CASD1: variants seen among roughly 807,000 people sequenced by gnomAD.
CASD1 encodes the protein CAS1 domain sialic acid O acetyltransferase 1.
In CASD1, 41 loss-of-function variants were observed where a neutral mutation model predicts 100.0. The ratio of observed to expected loss-of-function variants is 0.41; its 90% CI spans 0.32 to 0.53. CASD1 has a LOEUF of 0.53. Among genes scored for constraint, CASD1 ranks in the 20% least tolerant of loss-of-function variants. The pLI, the probability that CASD1 is intolerant of heterozygous loss-of-function variation, is 0.25. For missense variants in CASD1, 774 were observed against 948.7 expected, an observed-to-expected ratio of 0.82 and a Z score of 2.42; for synonymous variants, 321 against 315.6, an observed-to-expected ratio of 1.02 and a Z score of -0.18.
At chr7:94,525,523 T>G (rs1317049713) in intron 3 of CASD1, among the ~76,000 whole-genome samples, 1 of 152,114 alleles carries the variant, frequency 6.6e-6, no homozygotes, top group African/African-American at 2.4e-5. Flanking sequence ...TTTGTATATA[T>G]CAAACATTAT....
chr7:94,604,322 A>C, the CASD1 span, among the ~76,000 whole-genome samples: 1 of 152,196 alleles, frequency 6.6e-6, no homozygotes, highest in East Asian at 1.9e-4. Context: ...AAAATGAAGT[A>C]AAACCATCAA....
the CASD1 span, among the ~76,000 whole-genome samples, chr7:94,569,918 A>G: frequency 1.3e-5 from 2 of 150,894 alleles, no homozygotes; most frequent in Non-Finnish European, 2.9e-5. Flanking sequence ...GGTTCATGCT[A>G]TTCTCTTGCC....
chr7:94,519,432 C>T (rs62465675), intron 3 of CASD1, among the ~76,000 whole-genome samples: 4,325 of 152,206 alleles, frequency 0.028, 114 homozygotes, highest in Non-Finnish European at 0.043. Flanking sequence ...AGAGCCTTCA[C>T]AGCTAAGTAG....
At chr7:94,611,328 T>C in the CASD1 span, among the ~76,000 whole-genome samples, 1 of 152,156 alleles carries the variant, frequency 6.6e-6, no homozygotes, top group South Asian at 2.1e-4. Flanking sequence ...AATGAAATAC[T>C]GATTTATTCT....
At chr7:94,559,312 G>A (rs969693645), downstream of CASD1, among the ~76,000 whole-genome samples, 6 of 147,184 alleles carry the variant, frequency 4.1e-5, no homozygotes, top group Non-Finnish European at 4.5e-5. Flanking sequence ...GTGTATGTGT[G>A]TGTGTGTGTG....
intron 1 of CASD1, among the ~76,000 whole-genome samples, chr7:94,511,992 G>C (rs1793736027): frequency 6.6e-6 from 1 of 152,204 alleles, no homozygotes; most frequent in Non-Finnish European, 1.5e-5. Context: ...CACCTGGTGA[G>C]TGTACTTGCC....
chr7:94,594,347 C>T, the CASD1 span: 1 of 152,054 alleles, frequency 6.6e-6, no homozygotes, highest in African/African-American at 2.4e-5. Context: ...AATGGCAACA[C>T]TTATTCACTA....
downstream of CASD1, among the ~76,000 whole-genome samples, chr7:94,561,918 G>A (rs1000583818): frequency 3.3e-5 from 5 of 152,074 alleles, no homozygotes; most frequent in Admixed American, 6.6e-5. Flanking sequence ...AGCAAAGACC[G>A]CCTGGACAGT....
chr7:94,562,112 C>A, the CASD1 span, among the ~76,000 whole-genome samples: 1 of 152,060 alleles, frequency 6.6e-6, no homozygotes, highest in Non-Finnish European at 1.5e-5. Flanking sequence ...AATATTTGCA[C>A]CTCTTGTAAA....
chr7:94,532,291 AAAAT>A (rs1794889396), intron 5 of CASD1, among the ~76,000 whole-genome samples: 1 of 152,156 alleles, frequency 6.6e-6, no homozygotes, highest in South Asian at 2.1e-4. Context: ...AACTAATAAT[AAAAT>A]AGTACAATTA....
the CASD1 span, among the ~76,000 whole-genome samples, chr7:94,595,418 A>G: frequency 6.6e-6 from 1 of 152,178 alleles, no homozygotes; most frequent in Non-Finnish European, 1.5e-5. Flanking sequence ...AATCTGAAGA[A>G]TAAACATGAA....
rs993495231 is a variant in CASD1, at chr7:94,554,680, C to T, written c.2127+105C>T. 2.0e-5 allele frequency: 13 copies of T among 644,430 alleles called. No homozygotes were observed. The African/African-American group carries it at 2.0e-4, about 10-fold the overall frequency. 39.9% of individuals were successfully genotyped at this position (644,430 alleles called of 1,614,324 possible). ...CACACATATATGTGAGTATGAAAAT[C>T]GGACGTACTTTTTTCTAAACTGAAG... On this transcript the variant is annotated intron_variant, in intron 17 of 17. Transcript: ENST00000297273.
intron 14 of CASD1, among the ~76,000 whole-genome samples, 176 bp from the exon 15 acceptor site, chr7:94,551,162 A>C (rs1795927228): frequency 6.6e-6 from 1 of 152,162 alleles, no homozygotes; most frequent in Non-Finnish European, 1.5e-5. Context: ...GGTTTCTAAC[A>C]ATCATCGGCT....
chr7:94,553,390 A>G (rs1796041250), intron 16 of CASD1, among the ~76,000 whole-genome samples: 1 of 152,124 alleles, frequency 6.6e-6, no homozygotes, highest in African/African-American at 2.4e-5. Context: ...TTTTGATGCT[A>G]TTGCCCATGA....
At chr7:94,526,427 C>T (rs1383806600) in intron 3 of CASD1, among the ~76,000 whole-genome samples, 2 of 152,190 alleles carry the variant, frequency 1.3e-5, no homozygotes, top group Admixed American at 6.5e-5. Context: ...CCAGAACTAG[C>T]CATGTGGCTC....
chr7:94,514,833 C>T (rs115553194), intron 1 of CASD1, among the ~76,000 whole-genome samples: 154 of 152,178 alleles, frequency 1.0e-3, no homozygotes, highest in African/African-American at 3.5e-3. Flanking sequence ...ATTTATCTCA[C>T]ATTAGTTGTG....
the CASD1 span, among the ~76,000 whole-genome samples, chr7:94,591,429 C>T: frequency 3.9e-5 from 6 of 152,164 alleles, no homozygotes; most frequent in Non-Finnish European, 5.9e-5. Context: ...CCATCTCTAG[C>T]TCTACCTAGC....
chr7:94,542,367 A>G (rs1255581096), intron 10 of CASD1, among the ~76,000 whole-genome samples: 1 of 152,238 alleles, frequency 6.6e-6, no homozygotes, highest in East Asian at 1.9e-4. Context: ...TGTGAAATGT[A>G]TACCACATTA....
the CASD1 span, chr7:94,619,264 T>C: frequency 4.1e-6 from 1 of 245,556 alleles, no homozygotes; most frequent in East Asian, 1.0e-4. Flanking sequence ...AAATTTATAA[T>C]ATTACTGATC....
Sources: allele counts gnomAD v4.1 joint callset (sites outside exome capture counted in the v4.1 genomes callset), GRCh38; gene constraint gnomAD v4.1.1; transcripts MANE v1.5; gene names NCBI Gene and HGNC (gene_info 2026-07-23, HGNC 2026-07-21).